The following GPR176 variants were observed in gnomAD, a reference collection of about 807,000 sequenced individuals.
GPR176 encodes the protein G-protein coupled receptor 176.
Under a neutral mutation model 35.4 loss-of-function variants are expected in GPR176, and 26 were observed. The ratio of observed to expected loss-of-function variants is 0.74; its 90% confidence interval spans 0.54 to 1.02. GPR176 has a LOEUF of 1.02. Ranked by LOEUF, GPR176 falls within the 50% of genes least tolerant of loss-of-function variation. The pLI is 0.00. For synonymous variants in GPR176, 278 were observed against 271.3 expected (o/e 1.02, Z -0.24); for missense variants, 597 against 665.3 (o/e 0.90, Z 1.13).
chr15:39,839,151 G>C (rs886600544), intron 1 of GPR176, among the ~76,000 whole-genome samples: 1 of 151,986 alleles, frequency 6.6e-6, no homozygotes, highest in Non-Finnish European at 1.5e-5. Flanking sequence ...AGTTCATATG[G>C]AACCAAAAAA....
chr15:39,919,934 G>A lies in GPR176; in HGVS notation c.93C>T (p.Leu31=), dbSNP rs1164859962. ...AEAAGVNRSA[L]GEFGEAQLYR... The stretch of plus-strand genomic sequence containing the variant: ...ACAGCTGCGCCTCGCCGAACTCCCC[G>A]AGCGCGCTGCGGTTCACACCCGCAG... The change falls in exon 1 of 3, where the codon CTC becomes CTT. Residue 31 remains leucine, a synonymous_variant. Transcript: ENST00000561100. The A allele has an allele frequency of 3.9e-6, 6 of 1,520,218 alleles. No individual in the cohort carries two copies. The highest frequency in any genetic ancestry group is 2.6e-6 in the Non-Finnish European group (3 of 1,137,810). 94.2% of individuals were successfully genotyped at this position (1,520,218 alleles called of 1,614,324 possible). A position where few individuals can be genotyped will look rare whatever the true frequency, so the allele number is the denominator to read the frequency against.
Position 39,876,375 on chromosome 15 carries a change from GCTACTACCCTCTTGTGCACAGCGAA to G in GPR176, c.172+43455_172+43479del, listed in dbSNP as rs1473833978. Among the ~76,000 whole-genome samples, 3 of 151,932 alleles carry G rather than the reference GCTACTACCCTCTTGTGCACAGCGAA, an allele frequency of 2.0e-5. No homozygotes were observed. The East Asian group carries it at 5.8e-4, about 29-fold the overall frequency. On this transcript the variant is annotated intron_variant, in intron 1 of 2. Transcript: ENST00000561100. ...TTTTTCCTTTGAACTTAAATCCATT[GCTACTACCCTCTTGTGCACAGCGAA>G]CTAAGGCCTAATAAAATTGGATTTA...
intron 1 of GPR176, chr15:39,910,003 C>T: frequency 3.0e-6 from 1 of 330,736 alleles, no homozygotes; most frequent in Non-Finnish European, 4.3e-6. Flanking sequence ...GATCTGTTGT[C>T]TGCAACTAAG....
chr15:39,833,103 G>C (rs1286694528), intron 1 of GPR176, among the ~76,000 whole-genome samples: 4 of 152,118 alleles, frequency 2.6e-5, no homozygotes, highest in African/African-American at 9.6e-5. Flanking sequence ...GTGGGGTTGG[G>C]AGCATTATTC....
At chr15:39,803,303 A>T (rs1899002681) in intron 2 of GPR176, among the ~76,000 whole-genome samples, 1 of 114,476 alleles carries the variant, frequency 8.7e-6, no homozygotes, top group Non-Finnish European at 1.7e-5. Context: ...TTTTTGAGAT[A>T]GAGTCTCACT....
intron 1 of GPR176, among the ~76,000 whole-genome samples, chr15:39,837,484 C>A (rs1320451991): frequency 6.6e-6 from 1 of 152,124 alleles, no homozygotes; most frequent in East Asian, 1.9e-4. Flanking sequence ...TTTAAGGATC[C>A]ATTTCCAATG....
chr15:39,872,579 A>G (rs1037981438), intron 1 of GPR176, among the ~76,000 whole-genome samples: 18 of 152,292 alleles, frequency 1.2e-4, no homozygotes, highest in African/African-American at 4.1e-4. Flanking sequence ...CTGTAAAGAA[A>G]TATCTGAGGC....
intron 1 of GPR176, among the ~76,000 whole-genome samples, chr15:39,863,509 G>A (rs2031699378): frequency 6.6e-6 from 1 of 151,998 alleles, no homozygotes. Flanking sequence ...AGGTTAAAAA[G>A]CCACAGTAAG....
chr15:39,899,731 C>T (rs2033220569), intron 1 of GPR176, among the ~76,000 whole-genome samples: 1 of 152,108 alleles, frequency 6.6e-6, no homozygotes, highest in Non-Finnish European at 1.5e-5. Context: ...CTAAATGATG[C>T]AGTAGACATA....
chr15:39,850,198 T>C (rs2030757835), intron 1 of GPR176, among the ~76,000 whole-genome samples: 1 of 152,154 alleles, frequency 6.6e-6, no homozygotes, highest in Non-Finnish European at 1.5e-5. Flanking sequence ...CATTATATAC[T>C]TGGGCTACAC....
At chr15:39,812,030 CTGA>C (rs1358148879) in intron 1 of GPR176, among the ~76,000 whole-genome samples, 1 of 151,868 alleles carries the variant, frequency 6.6e-6, no homozygotes, top group Non-Finnish European at 1.5e-5. Context: ...CCACTGTTGG[CTGA>C]TTATTTATAC....
rs1381642544 is a variant in GPR176, at chr15:39,801,261, C to T, written c.1419G>A (p.Lys473=). 3 of 1,614,070 alleles carry T rather than the reference C, an allele frequency of 1.9e-6. No individual in the cohort carries two copies. Among genetic ancestry groups the T allele is most frequent in the Non-Finnish European group, 2.5e-6 (3 of 1,180,012 alleles). ...QWLSETRNSK[K]RLLPPLGNTP... is the part of the protein sequence containing the mutation. Reference sequence around the variant, plus strand: ...TGTTGCCCAAGGGGGGAAGCAGCCGCTTCTTGCTGTTTCGGGTCTCTGAGA... The same window carrying T: ...TGTTGCCCAAGGGGGGAAGCAGCCGTTTCTTGCTGTTTCGGGTCTCTGAGA... Residue 473 remains lysine (K), a synonymous_variant, in exon 3 of 3, where the codon AAG becomes AAA. Transcript: ENST00000561100.
At chr15:39,887,312 A>G (rs556515750) in intron 1 of GPR176, among the ~76,000 whole-genome samples, 57 of 152,340 alleles carry the variant, frequency 3.7e-4, no homozygotes, top group African/African-American at 1.3e-3. Flanking sequence ...ATTCCAAGCC[A>G]GCATAGTGCA....
intron 2 of GPR176, among the ~76,000 whole-genome samples, chr15:39,804,304 G>C (rs189262682): frequency 3.9e-5 from 6 of 152,328 alleles, no homozygotes; most frequent in Admixed American, 3.3e-4. Context: ...AGCTATGAAG[G>C]AAGTGAGAGA....
chr15:39,897,825 G>A (rs1253393160), intron 1 of GPR176, among the ~76,000 whole-genome samples: 1 of 152,062 alleles, frequency 6.6e-6, no homozygotes, highest in African/African-American at 2.4e-5. Context: ...CTGAGATATA[G>A]CTTGACTAAT....
intron 1 of GPR176, among the ~76,000 whole-genome samples, chr15:39,904,202 T>C (rs1032782518): frequency 2.0e-5 from 3 of 152,288 alleles, no homozygotes; most frequent in African/African-American, 2.4e-5. Context: ...CTTTATGACC[T>C]GTATCTTGTG....
intron 1 of GPR176, among the ~76,000 whole-genome samples, chr15:39,832,689 A>ACACACACACACACACAC (rs3065169): frequency 6.6e-6 from 1 of 151,422 alleles, no homozygotes; most frequent in South Asian, 2.1e-4. Context: ...ACACACACAC[A>ACACACACACACACACAC]AATCTTATAA....
intron 1 of GPR176, among the ~76,000 whole-genome samples, chr15:39,839,104 A>G (rs1246827244): frequency 1.3e-5 from 2 of 152,142 alleles, no homozygotes; most frequent in African/African-American, 4.8e-5. Flanking sequence ...CAAGCTACCA[A>G]TGACTTTCTT....
At chr15:39,832,455 G>A (rs1901149272) in intron 1 of GPR176, among the ~76,000 whole-genome samples, 1 of 152,032 alleles carries the variant, frequency 6.6e-6, no homozygotes, top group Non-Finnish European at 1.5e-5. Context: ...AGTCCAAAGT[G>A]ATTCTCCAAA....
Sources: allele counts gnomAD v4.1 joint callset (sites outside exome capture counted in the v4.1 genomes callset), GRCh38; gene constraint gnomAD v4.1.1; transcripts MANE v1.5; gene names NCBI Gene and HGNC (gene_info 2026-07-23, HGNC 2026-07-21).